Variants in ASH2L observed in about 807,000 individuals in gnomAD.
ASH2L encodes set1/Ash2 histone methyltransferase complex subunit ASH2.
Under a neutral mutation model 81.1 loss-of-function variants are expected in ASH2L, and 30 were observed. The ratio of observed to expected loss-of-function variants is 0.37; its 90% CI spans 0.28 to 0.50. ASH2L has a LOEUF of 0.50. Ranked by LOEUF, ASH2L falls within the 20% of genes least tolerant of loss-of-function variation. The probability of loss-of-function intolerance (pLI) is 0.95; values close to 1 mark genes in which losing one functional copy is unlikely to be tolerated. For missense variants in ASH2L, 559 were observed against 792.1 expected (o/e 0.71, Z 3.53); for synonymous variants, 273 against 279.9 (o/e 0.98, Z 0.24).
Position 38,105,536 on chromosome 8 carries a change from C to G in ASH2L, c.-15C>G. 1 of 1,550,070 alleles carries G rather than the reference C, an allele frequency of 6.5e-7. No homozygotes were observed. Among genetic ancestry groups the G allele is most frequent in the Non-Finnish European group, 8.7e-7 (1 of 1,146,544 alleles). ...AGAAGAGAGTATTCTCGCGAGAAGT[C>G]CAGGGGTGGCCGTGATGGCGGCGGC... On this transcript the variant is annotated 5_prime_UTR_variant, in exon 1 of 16. Coordinates refer to ENST00000343823, the MANE Select transcript of ASH2L (RefSeq NM_004674.5).
intron 6 of ASH2L, among the ~76,000 whole-genome samples, 193 bp downstream of exon 6, chr8:38,114,480 T>C (rs924155660): frequency 2.0e-5 from 3 of 152,332 alleles, no homozygotes; most frequent in African/African-American, 2.4e-5. Context: ...TATTGTCTTA[T>C]ATGAACATTG....
rs146606924 is a variant in ASH2L, at chr8:38,129,953, G to A, written c.1527+1002G>A. 3.9e-5 allele frequency among the ~76,000 whole-genome samples: 6 copies of A among 152,186 alleles called. No homozygotes were observed. The South Asian group carries it at 1.0e-3, about 26-fold the overall frequency. ...TCTTGTACAGTCTTTTTGGATCATT[G>A]GATAGTTACATATTTAGCTTTATAA... On this transcript the variant is annotated intron_variant, in intron 12 of 15. Transcript: ENST00000343823.
intron 10 of ASH2L, 49 bp from the exon 11 acceptor site, chr8:38,128,242 A>C: frequency 6.2e-7 from 1 of 1,608,278 alleles, no homozygotes; most frequent in African/African-American, 1.3e-5. Context: ...AATTGTCCCC[A>C]AGAACCTCAA....
At chr8:38,137,011 T>G (rs748649940) in intron 14 of ASH2L, among the ~76,000 whole-genome samples, 122 of 150,984 alleles carry the variant, frequency 8.1e-4, no homozygotes, top group Non-Finnish European at 1.5e-3. Context: ...GAGAATCACT[T>G]GAACCCGGGA....
intron 4 of ASH2L, 68 bp from the exon 5 acceptor site, chr8:38,110,671 C>A: frequency 7.4e-7 from 1 of 1,342,522 alleles, no homozygotes; most frequent in Non-Finnish European, 1.1e-6. Context: ...GACCACTTAT[C>A]GAGTATTCCC....
chr8:38,126,577 G>A (rs748543110), intron 10 of ASH2L, among the ~76,000 whole-genome samples: 10 of 152,212 alleles, frequency 6.6e-5, no homozygotes, highest in East Asian at 3.9e-4. Flanking sequence ...ATTGTTGGCC[G>A]GGCGCGGTGG....
In ASH2L at chr8:38,105,712, G is replaced by T; in HGVS notation, c.162G>T (p.Glu54Asp). 6.5e-7 allele frequency: 1 copy of T among 1,545,086 alleles called. No individual in the cohort carries two copies. The highest frequency in any genetic ancestry group is 8.7e-7 in the Non-Finnish European group (1 of 1,148,018). The change falls in exon 1 of 16, where the codon GAG (glutamate) becomes GAT (aspartate). Residue 54 changes from glutamate (E) to aspartate (D), a missense_variant. Physicochemically the swap from Glu to Asp is conservative, Grantham distance 45. Transcript: ENST00000343823. ...GGATCTCTGCTGCTCCGACAGTTGAGCCCAGTTCCGGGGAGGCTGAAGGCG... is the reference window on the plus strand; with the variant it reads ...GGATCTCTGCTGCTCCGACAGTTGATCCCAGTTCCGGGGAGGCTGAAGGCG... ...GEGISAAPTV[E>D]PSSGEAEGGE...
chr8:38,105,797 C>G (rs1248676307), intron 1 of ASH2L, 59 bp downstream of exon 1: 1 of 1,489,608 alleles, frequency 6.7e-7, no homozygotes, highest in Non-Finnish European at 8.9e-7. Context: ...TCGCGAATCC[C>G]GCGGCTCCTG....
Position 38,105,660 on chromosome 8 carries a change from C to A in ASH2L, c.110C>A (p.Ala37Glu). ...GAGGGGGAGATGAAGCCGGTGGCAG[C>A]GGGAGCAGCCGCTCCTCCTGGAGAG... ...AEEGEMKPVA[A>E]GAAAPPGEGI... Residue 37 changes from alanine to glutamate, a missense_variant, in exon 1 of 16, where the codon GCG becomes GAG. Coordinates refer to ENST00000343823, the MANE Select transcript of ASH2L (RefSeq NM_004674.5). 1 of 1,590,476 alleles carries A rather than the reference C, an allele frequency of 6.3e-7. No individual in the cohort carries two copies. Among genetic ancestry groups the A allele is most frequent in the South Asian group, 1.1e-5 (1 of 88,458 alleles).
At chr8:38,122,522 C>A (rs1801670801) in intron 10 of ASH2L, 1 of 151,850 alleles carries the variant, frequency 6.6e-6, no homozygotes, top group Non-Finnish European at 1.5e-5. Flanking sequence ...CAATTAATAT[C>A]TAGGTGTTAG....
chr8:38,135,775 A>G lies in ASH2L; in HGVS notation c.1719+9A>G, dbSNP rs375250747. 171 of 1,587,324 alleles carry G rather than the reference A, an allele frequency of 1.1e-4. No individual in the cohort carries two copies. In the African/African-American group the frequency reaches 2.0e-3, roughly 19 times the overall value. On this transcript the variant is annotated intron_variant, in intron 14 of 15. Transcript: ENST00000343823. ...TGTACAAGAGCTGCACGGTACGTAC[A>G]TGTTTCCATCCCATGAGCAAAACTT...
chr8:38,131,155 A>T (rs1254893706), intron 12 of ASH2L, among the ~76,000 whole-genome samples: 1 of 152,174 alleles, frequency 6.6e-6, no homozygotes, highest in African/African-American at 2.4e-5. Context: ...TATTCTGATA[A>T]TAAGCAGCCT....
Position 38,128,832 on chromosome 8 carries a change from C to T in ASH2L, c.1408C>T (p.Gln470Ter). Residue 470 changes from glutamine to a stop codon, truncating the protein, a stop_gained, in exon 12 of 16, where the codon CAG (glutamine) becomes TAG (stop). Coordinates refer to ENST00000343823, the MANE Select transcript of ASH2L (RefSeq NM_004674.5). LOFTEE classifies it high-confidence loss of function. ...GAGCAAAAAGGGAACCAAGTTCCAC[C>T]AGTCCATTGGCAAACACTACTCTTC... ...WRSKKGTKFH[Q>*]SIGKHYSSGY... 6.2e-7 allele frequency: 1 copy of T among 1,614,134 alleles called. No individual in the cohort carries two copies. Among genetic ancestry groups the T allele is most frequent in the Non-Finnish European group, 8.5e-7 (1 of 1,180,032 alleles).
chr8:38,122,249 T>G, intron 10 of ASH2L: 1 of 152,160 alleles, frequency 6.6e-6, no homozygotes, highest in African/African-American at 2.4e-5. Context: ...AAAAAAAAAT[T>G]TCTTTACTTT....
At chr8:38,108,390 C>T (rs556202961) in intron 3 of ASH2L, among the ~76,000 whole-genome samples, 1 of 152,084 alleles carries the variant, frequency 6.6e-6, no homozygotes, top group Admixed American at 6.5e-5. Flanking sequence ...AGAGAGATAA[C>T]TGGGAGGAAT....
intron 10 of ASH2L, 119 bp downstream of exon 10, chr8:38,121,268 C>T (rs1285086212): frequency 1.2e-6 from 1 of 819,932 alleles, no homozygotes; most frequent in African/African-American, 1.7e-5. Flanking sequence ...ACCCCCATCT[C>T]TGTCTAGATT....
intron 10 of ASH2L, among the ~76,000 whole-genome samples, chr8:38,126,342 A>G (rs1184932381): frequency 6.6e-6 from 1 of 152,214 alleles, no homozygotes; most frequent in Non-Finnish European, 1.5e-5. Context: ...CTAAGGAGAC[A>G]TGACAACTAA....
chr8:38,108,647 G>A (rs888619362), intron 3 of ASH2L, among the ~76,000 whole-genome samples: 9 of 151,686 alleles, frequency 5.9e-5, no homozygotes, highest in Non-Finnish European at 2.9e-5. Context: ...GTGAAACCCC[G>A]TCACCAGAAA....
In ASH2L at chr8:38,106,429, T is replaced by A; in HGVS notation, c.240T>A (p.Asn80Lys). The change falls in exon 2 of 16, where the codon AAT becomes AAA. Residue 80 changes from asparagine to lysine, a missense_variant. By Grantham distance (94) the Asn-to-Lys change is moderately conservative. Coordinates refer to ENST00000343823, the MANE Select transcript of ASH2L (RefSeq NM_004674.5). ...GTGGCTTGGAGACAGAATCATCTAA[T>A]GGAAAAGATACACTAGTAAGTATTT... ...VSGGLETESS[N>K]GKDTLEGAGD... 1 of 1,613,808 alleles carries A rather than the reference T, an allele frequency of 6.2e-7. No homozygotes were observed. Among genetic ancestry groups the A allele is most frequent in the Non-Finnish European group, 8.5e-7 (1 of 1,179,804 alleles).
Sources: gnomAD v4.1 joint callset for allele counts (sites outside exome capture counted in the v4.1 genomes callset) on GRCh38, gnomAD v4.1.1 for gene constraint, MANE v1.5 for transcripts, NCBI Gene and HGNC (gene_info 2026-07-23, HGNC 2026-07-21) for gene names.